MAP4K3: variants seen among roughly 807,000 people sequenced by gnomAD.
MAP4K3 encodes MAPK/ERK kinase kinase kinase 3.
A neutral mutation model predicts 143.5 loss-of-function variants in MAP4K3; 94 were observed. The observed-to-expected ratio is 0.65, with a 90% CI of 0.55 to 0.78. MAP4K3 has a LOEUF of 0.78. Among genes scored for constraint, MAP4K3 ranks in the 30% least tolerant of loss-of-function variants. MAP4K3 has a pLI of 0.00. For synonymous variants in MAP4K3, 416 were observed against 347.2 expected, an observed-to-expected ratio of 1.20 and a Z score of -2.20; for missense variants, 1,077 against 1,068.1, an observed-to-expected ratio of 1.01 and a Z score of -0.12.
chr2:39,407,598 A>T (rs761512845), intron 1 of MAP4K3, among the ~76,000 whole-genome samples: 23 of 152,066 alleles, frequency 1.5e-4, no homozygotes, highest in Non-Finnish European at 2.6e-4. Flanking sequence ...GAGAGACAGG[A>T]TCTCACTCTA....
intron 1 of MAP4K3, among the ~76,000 whole-genome samples, chr2:39,431,263 A>G (rs1558354688): frequency 6.6e-6 from 1 of 152,292 alleles, no homozygotes; most frequent in East Asian, 1.9e-4. Flanking sequence ...AGAGTATTCC[A>G]GGTGGAGACA....
chr2:39,351,198 C>A (rs1340502275), intron 3 of MAP4K3, among the ~76,000 whole-genome samples: 1 of 152,196 alleles, frequency 6.6e-6, no homozygotes, highest in Non-Finnish European at 1.5e-5. Context: ...TTTTCCCTCT[C>A]AGGCTCTAAT....
intron 1 of MAP4K3, among the ~76,000 whole-genome samples, chr2:39,416,986 C>T (rs1667399188): frequency 6.6e-6 from 1 of 152,084 alleles, no homozygotes. Context: ...TGGATTAAGA[C>T]TAAAATCGGT....
intron 1 of MAP4K3, among the ~76,000 whole-genome samples, chr2:39,379,253 T>G (rs1050693842): frequency 2.6e-5 from 4 of 152,062 alleles, no homozygotes; most frequent in African/African-American, 9.7e-5. Flanking sequence ...CCGTCATTGC[T>G]GAAAATATAA....
intron 3 of MAP4K3, among the ~76,000 whole-genome samples, chr2:39,355,945 G>T (rs1462785666): frequency 6.6e-6 from 1 of 152,186 alleles, no homozygotes; most frequent in East Asian, 1.9e-4. Flanking sequence ...CCTAAGTCCA[G>T]AAGAAAGGGG....
At chr2:39,290,665 GA>G (rs1314250260) in intron 18 of MAP4K3, among the ~76,000 whole-genome samples, 1 of 152,138 alleles carries the variant, frequency 6.6e-6, no homozygotes, top group Admixed American at 6.6e-5. Context: ...GAAGGGCAGG[GA>G]AAAGGGGACG....
intron 1 of MAP4K3, among the ~76,000 whole-genome samples, chr2:39,383,848 T>C (rs1666416531): frequency 1.3e-5 from 2 of 152,168 alleles, no homozygotes; most frequent in African/African-American, 4.8e-5. Context: ...CTCATGTCTG[T>C]AATTCCAGCA....
Position 39,286,884 on chromosome 2 carries a change from T to C in MAP4K3, c.1555A>G (p.Asn519Asp), listed in dbSNP as rs1181033788. The part of the protein sequence containing the change: ...CQQQNEHRGT[N>D]LSRKEKKDVP... ...TCTTTCTTTTCTTTTCTTGAAAGGT[T>C]TGTGCCTCTATGTTCATTCTGTTGT... The change falls in exon 21 of 34, where the codon AAC (asparagine) becomes GAC (aspartate). Residue 519 changes from asparagine to aspartate, a missense_variant. Asn to Asp is a conservative substitution (Grantham distance 23). This residue lies in a region of MAP4K3 where 864 missense variants were observed against 801.2 expected (regional missense o/e 1.08). Transcript: ENST00000263881. The C allele has an allele frequency of 2.5e-6, 4 of 1,609,736 alleles. No individual in the cohort carries two copies. The highest frequency in any genetic ancestry group is 1.7e-5 in the Admixed American group (1 of 59,870).
Position 39,424,830 on chromosome 2 carries a change from CAA to C in MAP4K3, c.96+12060_96+12061del, listed in dbSNP as rs58960920. ...TGGGTGACAGAGTTATAACCTGACT[CAA>C]AAAAAAAAAAAAAAAAAAAAAAGTT... is the stretch of plus-strand genomic sequence containing the variant. On this transcript the variant is annotated intron_variant, in intron 1 of 33. Transcript: ENST00000263881. Among the ~76,000 whole-genome samples the C allele has an allele frequency of 6.8e-3, 464 of 68,158 alleles. 2 individuals are homozygous for C. The highest frequency in any genetic ancestry group is 0.011 in the South Asian group (19 of 1,698). 44.7% of individuals were successfully genotyped at this position (68,158 alleles called of 152,430 possible). A position where few individuals can be genotyped will look rare whatever the true frequency, so the allele number is the denominator to read the frequency against.
intron 1 of MAP4K3, among the ~76,000 whole-genome samples, chr2:39,392,368 T>C (rs1408172432): frequency 6.6e-6 from 1 of 152,168 alleles, no homozygotes; most frequent in Non-Finnish European, 1.5e-5. Flanking sequence ...AAGCGTGTGA[T>C]ACAAAATTTA....
chr2:39,309,548 ATTTTTT>A (rs749101883), intron 13 of MAP4K3, 29 bp from the exon 14 acceptor site: 307 of 339,220 alleles, frequency 9.1e-4, no homozygotes, highest in East Asian at 5.0e-3. Context: ...TAAAACCAGG[ATTTTTT>A]TTTTTTTTTT....
chr2:39,343,679 A>T (rs879658883), intron 3 of MAP4K3, among the ~76,000 whole-genome samples: 10 of 152,132 alleles, frequency 6.6e-5, no homozygotes, highest in Admixed American at 5.9e-4. Context: ...GTTGGATATA[A>T]AGCTGTTATC....
intron 3 of MAP4K3, among the ~76,000 whole-genome samples, chr2:39,348,386 T>A (rs1363797570): frequency 6.6e-6 from 1 of 152,152 alleles, no homozygotes; most frequent in Admixed American, 6.5e-5. Flanking sequence ...CTTTTTAAGA[T>A]GCCTAAAATA....
At chr2:39,392,749 T>C (rs1039637821) in intron 1 of MAP4K3, among the ~76,000 whole-genome samples, 12 of 152,188 alleles carry the variant, frequency 7.9e-5, no homozygotes, top group Non-Finnish European at 1.5e-4. Context: ...AGGTTGTTTA[T>C]CTTGAGACTG....
intron 15 of MAP4K3, among the ~76,000 whole-genome samples, chr2:39,307,565 C>G (rs780187283): frequency 1.3e-5 from 2 of 150,906 alleles, no homozygotes; most frequent in African/African-American, 2.4e-5. Context: ...TACCATATAA[C>G]ATATGAATTG....
In MAP4K3 at chr2:39,426,193, T is replaced by C. The variant is rs191877913; in HGVS notation, c.96+10699A>G. Among the ~76,000 whole-genome samples, 191 of 152,288 alleles carry C rather than the reference T, an allele frequency of 1.3e-3. 1 individual carries two copies. Among genetic ancestry groups the C allele is most frequent in the African/African-American group, 4.5e-3 (186 of 41,564 alleles). On this transcript the variant is annotated intron_variant, in intron 1 of 33. Coordinates refer to ENST00000263881, the MANE Select transcript of MAP4K3 (RefSeq NM_003618.4). ...CACTATAAATTTCCGTCAAAAAATG[T>C]GTAACATGAATTTAAACAAATGAGG...
At chr2:39,277,467 G>A (rs1681316604) in intron 24 of MAP4K3, among the ~76,000 whole-genome samples, 1 of 152,160 alleles carries the variant, frequency 6.6e-6, no homozygotes, top group Admixed American at 6.5e-5. Context: ...GTAGTTACTG[G>A]TTTATACACC....
chr2:39,267,146 G>A, intron 27 of MAP4K3, 43 bp downstream of exon 27: 1 of 1,577,616 alleles, frequency 6.3e-7, no homozygotes, highest in Non-Finnish European at 8.7e-7. Context: ...CAGATTTTAG[G>A]AGGAGTCTCA....
At chr2:39,356,169 A>G in intron 3 of MAP4K3, 80 bp downstream of exon 3, 1 of 817,798 alleles carries the variant, frequency 1.2e-6, no homozygotes, top group Non-Finnish European at 2.0e-6. Context: ...AAAACATGGT[A>G]TTAAAACTAA....
Sources: gnomAD v4.1 joint callset for allele counts (sites outside exome capture counted in the v4.1 genomes callset) on GRCh38, gnomAD v4.1.1 for gene constraint, gnomAD v4.1.1 regional missense constraint, MANE v1.5 for transcripts, NCBI Gene and HGNC (gene_info 2026-07-23, HGNC 2026-07-21) for gene names.